SORCS2: variants seen among roughly 807,000 people sequenced by gnomAD.
SORCS2 encodes the protein VPS10 domain-containing receptor SorCS2.
In SORCS2, 100 loss-of-function variants were observed where a neutral mutation model predicts 141.6. The observed-to-expected ratio is 0.71, with a 90% CI of 0.60 to 0.83. The LOEUF (loss-of-function observed/expected upper bound fraction) is 0.83. Among genes scored for constraint, SORCS2 ranks in the 40% least tolerant of loss-of-function variants. The pLI, the probability that SORCS2 is intolerant of heterozygous loss-of-function variation, is 0.00. For missense variants in SORCS2, 1,646 were observed against 1,560.2 expected (o/e 1.05, Z -0.93); for synonymous variants, 789 against 676.9 (o/e 1.17, Z -2.57).
intron 4 of SORCS2, among the ~76,000 whole-genome samples, chr4:7,647,197 C>T (rs770611229): frequency 3.3e-5 from 5 of 152,124 alleles, no homozygotes; most frequent in South Asian, 2.1e-4. Context: ...CTTGGGGAAC[C>T]GTGGGAGTGG....
intron 1 of SORCS2, among the ~76,000 whole-genome samples, chr4:7,264,571 G>A (rs533622540): frequency 6.6e-6 from 1 of 152,364 alleles, no homozygotes; most frequent in Non-Finnish European, 1.5e-5. Flanking sequence ...TCCGTGGAGT[G>A]ATGGTGAGGT....
chr4:7,409,916 T>C (rs1022074844), intron 2 of SORCS2, among the ~76,000 whole-genome samples: 2 of 152,008 alleles, frequency 1.3e-5, no homozygotes, highest in Admixed American at 1.3e-4. Context: ...AGTCTCCTTG[T>C]TTTTTTCTGT....
chr4:7,353,092 G>A (rs562704272), intron 1 of SORCS2, among the ~76,000 whole-genome samples: 201 of 152,310 alleles, frequency 1.3e-3, no homozygotes, highest in Non-Finnish European at 2.6e-3. Flanking sequence ...GCCTGGCAAT[G>A]GTTCTCACTG....
rs1725418552 is a variant in SORCS2 at position 7,706,058 on chromosome 4, G to A, written c.1868+1774G>A. 1.4e-5 allele frequency among the ~76,000 whole-genome samples: 2 copies of A among 147,912 alleles called. 1 individual carries two copies. The highest frequency in any genetic ancestry group is 4.2e-4 in the South Asian group (2 of 4,758). On this transcript the variant is annotated intron_variant, in intron 14 of 26. Transcript: ENST00000507866. ...GCAGGGATGAGGCTGGGCTCCGCCT[G>A]GGCAGGGATGAGGCTGGGCTCTGCC...
chr4:7,736,660 T>A (rs1224264392), intron 25 of SORCS2, among the ~76,000 whole-genome samples: 2 of 152,160 alleles, frequency 1.3e-5, no homozygotes, highest in South Asian at 2.1e-4. Context: ...AGCAAGTGCC[T>A]CTCAGAGCTG....
chr4:7,268,016 C>A (rs1714862687), intron 1 of SORCS2, among the ~76,000 whole-genome samples: 1 of 152,170 alleles, frequency 6.6e-6, no homozygotes, highest in South Asian at 2.1e-4. Context: ...CCCGCTGGTG[C>A]CGGCTGTGTG....
At chr4:7,594,842 C>T (rs1280707780) in intron 3 of SORCS2, among the ~76,000 whole-genome samples, 1 of 152,146 alleles carries the variant, frequency 6.6e-6, no homozygotes, top group Non-Finnish European at 1.5e-5. Flanking sequence ...CATCTGTAAA[C>T]CAGCATAATA....
intron 1 of SORCS2, among the ~76,000 whole-genome samples, chr4:7,366,103 G>T (rs1332457127): frequency 6.6e-6 from 1 of 152,158 alleles, no homozygotes; most frequent in South Asian, 2.1e-4. Context: ...GTGCCGGGGG[G>T]TGGGGGGTGG....
At chr4:7,616,661 G>A (rs1029850700) in intron 3 of SORCS2, among the ~76,000 whole-genome samples, 2 of 152,176 alleles carry the variant, frequency 1.3e-5, no homozygotes, top group African/African-American at 4.8e-5. Context: ...AGCCCTGAAT[G>A]GATGTTTTTT....
chr4:7,617,155 C>G (rs1458478889), intron 3 of SORCS2, among the ~76,000 whole-genome samples: 2 of 152,178 alleles, frequency 1.3e-5, no homozygotes, highest in Non-Finnish European at 2.9e-5. Context: ...CACCCGCCAT[C>G]CACCATCCAT....
intron 1 of SORCS2, among the ~76,000 whole-genome samples, chr4:7,362,618 G>C (rs565453460): frequency 3.3e-5 from 5 of 152,060 alleles, no homozygotes; most frequent in African/African-American, 1.2e-4. Flanking sequence ...TGCGGTTCCA[G>C]GGGGAACCTG....
intron 1 of SORCS2, among the ~76,000 whole-genome samples, chr4:7,340,958 C>A (rs973792144): frequency 6.6e-6 from 1 of 152,244 alleles, no homozygotes; most frequent in Non-Finnish European, 1.5e-5. Flanking sequence ...GACAATTGCA[C>A]CCATCCCTGC....
chr4:7,431,660 C>G (rs1435138110), intron 2 of SORCS2: 5 of 152,182 alleles, frequency 3.3e-5, no homozygotes, highest in Non-Finnish European at 1.5e-5. Flanking sequence ...CATGGCCCAT[C>G]CGGTGGCCAG....
intron 2 of SORCS2, among the ~76,000 whole-genome samples, chr4:7,400,770 T>TGG (rs1449658715): frequency 1.9e-4 from 27 of 138,480 alleles, no homozygotes; most frequent in African/African-American, 8.2e-5. Context: ...TGGATGGATG[T>TGG]ATGGATGGAT....
chr4:7,270,411 C>G (rs1208418585), intron 1 of SORCS2, among the ~76,000 whole-genome samples: 1 of 152,250 alleles, frequency 6.6e-6, no homozygotes. Context: ...GGGAAGCCAC[C>G]TGTGCTGGCC....
At chr4:7,694,373 C>A (rs369428641) in intron 11 of SORCS2, among the ~76,000 whole-genome samples, 1 of 152,152 alleles carries the variant, frequency 6.6e-6, no homozygotes, top group South Asian at 2.1e-4. Flanking sequence ...TTTCTGGAGG[C>A]CCTTCCACTC....
intron 1 of SORCS2, among the ~76,000 whole-genome samples, chr4:7,339,238 C>T (rs991129480): frequency 6.6e-6 from 1 of 152,220 alleles, no homozygotes; most frequent in East Asian, 1.9e-4. Context: ...CCAAGGCTTT[C>T]TCTTTGAGAA....
At chr4:7,424,008 C>A (rs1162602308) in intron 2 of SORCS2, among the ~76,000 whole-genome samples, 1 of 152,292 alleles carries the variant, frequency 6.6e-6, no homozygotes, top group East Asian at 1.9e-4. Flanking sequence ...CAGGGCGCTC[C>A]GTGTCCTGGC....
At chr4:7,730,045 C>G (rs1042092250) in intron 23 of SORCS2, among the ~76,000 whole-genome samples, 3 of 152,212 alleles carry the variant, frequency 2.0e-5, no homozygotes, top group Admixed American at 1.3e-4. Context: ...GGAAATGAGG[C>G]TAAGCACTGT....
Sources: gnomAD v4.1 joint callset for allele counts (sites outside exome capture counted in the v4.1 genomes callset) on GRCh38, gnomAD v4.1.1 for gene constraint, MANE v1.5 for transcripts, NCBI Gene and HGNC (gene_info 2026-07-23, HGNC 2026-07-21) for gene names.